CALN1: variants seen among roughly 807,000 people sequenced by gnomAD.
CALN1 encodes the protein calcium-binding protein 8.
CALN1 carries 17 observed loss-of-function variants against 30.6 expected under a neutral mutation model. The ratio of observed to expected loss-of-function variants is 0.56; its 90% CI spans 0.38 to 0.83. The LOEUF (loss-of-function observed/expected upper bound fraction) is 0.83. Among genes scored for constraint, CALN1 ranks in the 40% least tolerant of loss-of-function variants. CALN1 has a pLI of 0.00. For missense variants in CALN1, 291 were observed against 354.9 expected, an observed-to-expected ratio of 0.82 and a Z score of 1.45; for synonymous variants, 156 against 131.4, an observed-to-expected ratio of 1.19 and a Z score of -1.28.
At position 71,952,260 on chromosome 7, in the gene CALN1, G is replaced by C. The variant is rs1303795420; in HGVS notation, c.501+71397C>G. Among the ~76,000 whole-genome samples, 4 of 152,206 alleles carry C rather than the reference G, an allele frequency of 2.6e-5. No homozygotes were observed. The East Asian group carries it at 7.7e-4, about 29-fold the overall frequency. On this transcript the variant is annotated intron_variant, in intron 5 of 6. Transcript: ENST00000395275. ...TAAATCATGAAACTTTCATGCTTAG[G>C]GTCCTCCCATTCTTGGCTCCACCCT...
intron 3 of CALN1, among the ~76,000 whole-genome samples, chr7:72,133,737 AC>A: frequency 6.6e-6 from 1 of 152,266 alleles, no homozygotes; most frequent in African/African-American, 2.4e-5. Flanking sequence ...GGGTCAAATC[AC>A]CCCTACATAT....
In CALN1 at chr7:71,783,628, G is replaced by A. The variant is rs752837777; in HGVS notation, c.*4147C>T. ...CATTTTCTGTCCATGCCCTCATAGG[G>A]CCTCAGGGAAACTGCTAGATTTAGG... On this transcript the variant is annotated 3_prime_UTR_variant, in exon 7 of 7. Coordinates refer to ENST00000395275, the MANE Select transcript of CALN1 (RefSeq NM_031468.4). 2.0e-5 allele frequency: 3 copies of A among 149,696 alleles called. No individual in the cohort carries two copies. The highest frequency in any genetic ancestry group is 4.4e-5 in the Non-Finnish European group (3 of 68,056). 9.3% of individuals were successfully genotyped at this position (149,696 alleles called of 1,614,324 possible).
At chr7:72,390,170 C>T (rs1805486932) in intron 2 of CALN1, among the ~76,000 whole-genome samples, 1 of 152,004 alleles carries the variant, frequency 6.6e-6, no homozygotes, top group African/African-American at 2.4e-5. Context: ...GCGACTCACC[C>T]CTGTAATCCC....
the CALN1 span, among the ~76,000 whole-genome samples, chr7:72,475,882 C>T: frequency 6.7e-6 from 1 of 148,392 alleles, no homozygotes; most frequent in Non-Finnish European, 1.5e-5. Context: ...CTCACGAGAT[C>T]TGATGGTTTT....
At chr7:72,116,019 A>G (rs1201510834) in intron 3 of CALN1, among the ~76,000 whole-genome samples, 9 of 152,164 alleles carry the variant, frequency 5.9e-5, no homozygotes, top group Non-Finnish European at 1.0e-4. Context: ...TTATGGCTGA[A>G]TAACAGTCCA....
At chr7:72,124,556 G>A (rs1022743713) in intron 3 of CALN1, among the ~76,000 whole-genome samples, 1 of 152,090 alleles carries the variant, frequency 6.6e-6, no homozygotes, top group Non-Finnish European at 1.5e-5. Flanking sequence ...GGAGGCTGAA[G>A]TGGGAGGATT....
intron 3 of CALN1, among the ~76,000 whole-genome samples, chr7:72,214,585 T>C (rs1250997874): frequency 6.6e-6 from 1 of 152,008 alleles, no homozygotes; most frequent in African/African-American, 2.4e-5. Context: ...ACCACTGCAC[T>C]CCAGCCTGGG....
chr7:72,047,936 G>T (rs1413597288), intron 4 of CALN1, among the ~76,000 whole-genome samples: 1 of 152,120 alleles, frequency 6.6e-6, no homozygotes, highest in African/African-American at 2.4e-5. Flanking sequence ...CTGGGACAGT[G>T]GTCTCCATGA....
At chr7:72,383,085 C>T (rs1271856641) in intron 2 of CALN1, among the ~76,000 whole-genome samples, 1 of 152,170 alleles carries the variant, frequency 6.6e-6, no homozygotes, top group Non-Finnish European at 1.5e-5. Context: ...CCTGCCCAGC[C>T]AGGATTTTGT....
At chr7:71,824,721 A>G (rs111494729) in intron 5 of CALN1, among the ~76,000 whole-genome samples, 30 of 152,218 alleles carry the variant, frequency 2.0e-4, no homozygotes, top group African/African-American at 6.7e-4. Flanking sequence ...AAACTCCAAA[A>G]TATTTCACAC....
chr7:71,833,044 A>C (rs1208166358), intron 5 of CALN1, among the ~76,000 whole-genome samples: 2 of 152,114 alleles, frequency 1.3e-5, no homozygotes, highest in African/African-American at 2.4e-5. Flanking sequence ...GTTTTTGCCT[A>C]GTCTTTCTGT....
intron 1 of CALN1, among the ~76,000 whole-genome samples, chr7:72,408,675 C>CTTTTTTT (rs534883618): frequency 0.25 from 19,832 of 77,918 alleles, 4,456 homozygotes; most frequent in Non-Finnish European, 0.32. Context: ...TTATCTTTTC[C>CTTTTTTT]TTTTTTTTTT....
chr7:72,179,735 T>C (rs533068899), intron 3 of CALN1, among the ~76,000 whole-genome samples: 1 of 152,146 alleles, frequency 6.6e-6, no homozygotes, highest in African/African-American at 2.4e-5. Flanking sequence ...TTCATCTTTT[T>C]CCCCCTTTCT....
At position 72,392,249 on chromosome 7, in the gene CALN1, C is replaced by A. The variant is rs139656843; in HGVS notation, c.119+11002G>T. 7.7e-3 allele frequency among the ~76,000 whole-genome samples: 1,176 copies of A among 152,310 alleles called. 18 individuals are homozygous for A. The highest frequency in any genetic ancestry group is 0.027 in the African/African-American group (1,104 of 41,570). On this transcript the variant is annotated intron_variant, in intron 2 of 6. Coordinates refer to ENST00000395275, the MANE Select transcript of CALN1 (RefSeq NM_031468.4). ...CAGCCCCCAGCCATCTGCGTTTCTC[C>A]AACAGAGGTACCAGACATCTCGGAG...
intron 4 of CALN1, among the ~76,000 whole-genome samples, chr7:72,025,314 AAAT>A (rs1562987064): frequency 6.6e-6 from 1 of 151,418 alleles, no homozygotes. Context: ...CCATCTAAAA[AAAT>A]AATAATAATA....
intron 3 of CALN1, among the ~76,000 whole-genome samples, chr7:72,232,961 A>T (rs2129550737): frequency 6.6e-6 from 1 of 152,278 alleles, no homozygotes; most frequent in Middle Eastern, 3.4e-3. Context: ...AGCATAAATT[A>T]GCATGTTTAG....
chr7:72,487,267 T>C, the CALN1 span, among the ~76,000 whole-genome samples: 1 of 151,904 alleles, frequency 6.6e-6, no homozygotes, highest in Non-Finnish European at 1.5e-5. Context: ...ACAAGGTGAG[T>C]AGACCTCAGA....
At chr7:71,946,423 A>AGTG (rs1405944790) in intron 5 of CALN1, among the ~76,000 whole-genome samples, 1 of 141,926 alleles carries the variant, frequency 7.0e-6, no homozygotes, top group Admixed American at 7.5e-5. Flanking sequence ...AGTGGAGTGC[A>AGTG]GTGGTGCAAT....
intron 2 of CALN1, among the ~76,000 whole-genome samples, chr7:72,301,580 C>T (rs2129555663): frequency 7.2e-6 from 1 of 138,970 alleles, no homozygotes; most frequent in Non-Finnish European, 1.5e-5. Context: ...TGTACTCCAG[C>T]CTGGGCGACA....
Sources: allele counts gnomAD v4.1 joint callset (sites outside exome capture counted in the v4.1 genomes callset), GRCh38; gene constraint gnomAD v4.1.1; transcripts MANE v1.5; gene names NCBI Gene and HGNC (gene_info 2026-07-23, HGNC 2026-07-21).